ITIH1: variants seen among roughly 807,000 people sequenced by gnomAD.
The protein encoded by ITIH1 is inter-alpha-trypsin inhibitor heavy chain H1.
A neutral mutation model predicts 104.6 loss-of-function variants in ITIH1; 94 were observed. The observed-to-expected ratio is 0.90, with a 90% confidence interval of 0.76 to 1.07. The LOEUF is 1.07. ITIH1 is among the 50% of genes least tolerant of loss of function. The pLI, the probability that ITIH1 is intolerant of heterozygous loss-of-function variation, is 0.00. For synonymous variants in ITIH1, 455 were observed against 464.4 expected, an observed-to-expected ratio of 0.98 and a Z score of 0.26; for missense variants, 1,193 against 1,181.4, an observed-to-expected ratio of 1.01 and a Z score of -0.14.
At chr3:52,790,944 G>A in intron 20 of ITIH1, 23 bp downstream of exon 20, 2 of 1,585,120 alleles carry the variant, frequency 1.3e-6, no homozygotes, top group Non-Finnish European at 1.7e-6. Context: ...AGGCTGGCAG[G>A]GCTGTGGGGA....
Position 52,785,142 on chromosome 3 carries a change from G to A in ITIH1, c.1506G>A (p.Gln502=). The change falls in exon 12 of 22, where the codon CAG becomes CAA. Residue 502 remains glutamine (Q), a synonymous_variant. Transcript: ENST00000273283. ...VLALTQNHHK[Q]YYEGSEIVVA... is the part of the protein sequence containing the mutation. ...CCCTGACCCAGAACCACCATAAACAGTACTACGAAGGCTCAGAGATTGTGG... is the reference window on the plus strand; with the variant it reads ...CCCTGACCCAGAACCACCATAAACAATACTACGAAGGCTCAGAGATTGTGG... 6.2e-7 allele frequency: 1 copy of A among 1,614,102 alleles called. No individual in the cohort carries two copies. Among genetic ancestry groups the A allele is most frequent in the Non-Finnish European group, 8.5e-7 (1 of 1,180,006 alleles).
chr3:52,787,820 T>A, intron 16 of ITIH1, 166 bp from the exon 17 acceptor site: 1 of 907,026 alleles, frequency 1.1e-6, no homozygotes, highest in Non-Finnish European at 1.8e-6. Context: ...CAAGCTTCTG[T>A]CCCCGTGTCC....
At chr3:52,778,062 T>C in intron 2 of ITIH1, 45 bp downstream of exon 2, 6 of 1,610,112 alleles carry the variant, frequency 3.7e-6, no homozygotes, top group Non-Finnish European at 5.1e-6. Flanking sequence ...GAGCCCTTTT[T>C]ACAGGCTTGC....
rs1292335365 is a variant in ITIH1, at chr3:52,782,227, T to C, written c.890T>C (p.Ile297Thr). 1.9e-6 allele frequency: 3 copies of C among 1,614,174 alleles called. No individual in the cohort carries two copies. The highest frequency in any genetic ancestry group is 1.7e-5 in the Admixed American group (1 of 60,036). ...TNMNKNVVFV[I>T]DISGSMRGQK... Reference sequence around the variant, plus strand: ...ATGAACAAGAACGTGGTTTTTGTGATTGACATCAGTGGCTCCATGAGAGGC... The same window carrying C: ...ATGAACAAGAACGTGGTTTTTGTGACTGACATCAGTGGCTCCATGAGAGGC... The change falls in exon 8 of 22, where the codon ATT (isoleucine) becomes ACT (threonine). Residue 297 changes from isoleucine (I) to threonine (T), a missense_variant. Ile to Thr is a moderately conservative substitution (Grantham distance 89). Transcript: ENST00000273283.
In ITIH1 at chr3:52,789,933, C is replaced by T. The variant is rs7644379; in HGVS notation, c.2321+79C>T. On this transcript the variant is annotated intron_variant, in intron 19 of 21. Transcript: ENST00000273283. ...GACTCTGCTGAGTCTGCAGGGCCCT[C>T]GTCCCTGAGCCATGTCTGTGGGTGA... is the stretch of plus-strand genomic sequence containing the variant. 3.3e-3 allele frequency: 4,687 copies of T among 1,410,806 alleles called. 152 individuals are homozygous for T. The African/African-American group carries it at 0.057, about 17-fold the overall frequency. 87.4% of individuals were successfully genotyped at this position (1,410,806 alleles called of 1,614,324 possible).
rs1485327931 is a variant in ITIH1, at chr3:52,790,750, G to T, written c.2323G>T (p.Val775Leu). The T allele has an allele frequency of 6.2e-7, 1 of 1,612,056 alleles. No homozygotes were observed. Among genetic ancestry groups the T allele is most frequent in the East Asian group, 2.2e-5 (1 of 44,678 alleles). ...CCTCTCGGCCACCTGGCTCTGCAGGGTGGTGGTGACCATCAACAAGAAGAG... is the reference window on the plus strand; with the variant it reads ...CCTCTCGGCCACCTGGCTCTGCAGGTTGGTGGTGACCATCAACAAGAAGAG... The part of the protein sequence containing the change: ...RDQAVLRQDG[V>L]VVTINKKRNL... Residue 775 changes from valine (V) to leucine (L), a missense_variant and splice_region_variant, in exon 20 of 22, where the codon GTG (valine) becomes TTG (leucine). By Grantham distance (32) the Val-to-Leu change is conservative. Transcript: ENST00000273283.
At chr3:52,787,757 C>A (rs1699238889) in intron 16 of ITIH1, 145 bp downstream of exon 16, 3 of 1,013,076 alleles carry the variant, frequency 3.0e-6, no homozygotes, top group Non-Finnish European at 3.1e-6. Flanking sequence ...GCCTCCCCAG[C>A]CTGAGGTCCC....
chr3:52,788,468 TG>T (rs1445521453), intron 18 of ITIH1, 123 bp downstream of exon 18: 2 of 698,636 alleles, frequency 2.9e-6, no homozygotes, highest in Non-Finnish European at 4.9e-6. Flanking sequence ...TCCACCTGGC[TG>T]GGCTCTGCCC....
Position 52,787,074 on chromosome 3 carries a change from G to T in ITIH1, c.1863G>T (p.Lys621Asn), listed in dbSNP as rs1202525562. The T allele has an allele frequency of 6.2e-7, 1 of 1,614,086 alleles. No homozygotes were observed. Among genetic ancestry groups the T allele is most frequent in the South Asian group, 1.1e-5 (1 of 91,094 alleles). Residue 621 changes from lysine (K) to asparagine (N), a missense_variant, in exon 14 of 22, where the codon AAG (lysine) becomes AAT (asparagine). Physicochemically the swap from Lys to Asn is moderately conservative, Grantham distance 94. Transcript: ENST00000273283. ...IRGMADQDGL[K>N]PTIDKPSEDS... ...GCATGGCGGACCAGGACGGCCTGAAGCCCACCATCGACAAGCCCTCAGAGG... is the reference window on the plus strand; with the variant it reads ...GCATGGCGGACCAGGACGGCCTGAATCCCACCATCGACAAGCCCTCAGAGG...
At chr3:52,782,916 C>T (rs768129101) in intron 8 of ITIH1, 41 bp from the exon 9 acceptor site, 2 of 1,604,550 alleles carry the variant, frequency 1.2e-6, no homozygotes, top group Admixed American at 1.7e-5. Context: ...CTGGGGCCAC[C>T]CTGGGGCCCT....
chr3:52,789,924 C>G (rs1699308795), intron 19 of ITIH1, 70 bp downstream of exon 19: 1 of 1,492,652 alleles, frequency 6.7e-7, no homozygotes, highest in Non-Finnish European at 9.3e-7. Flanking sequence ...GCTGAGTCTG[C>G]AGGGCCCTCG....
At chr3:52,788,390 C>A (rs1260778949) in intron 18 of ITIH1, 45 bp downstream of exon 18, 1 of 1,226,222 alleles carries the variant, frequency 8.2e-7, no homozygotes, top group Non-Finnish European at 1.2e-6. Context: ...CAGGGCTCCT[C>A]TGCCCTCAAC....
rs1699167430 is a variant in ITIH1 at position 52,785,106 on chromosome 3, T to C, written c.1470T>C (p.Asp490=). The C allele has an allele frequency of 6.8e-6, 11 of 1,614,136 alleles. No individual in the cohort carries two copies. In the East Asian group the frequency reaches 2.2e-4, roughly 33 times the overall value. The part of the protein sequence containing the change: ...LVDVDLQYPQ[D]AVLALTQNHH... ...ATGTGGATTTGCAGTACCCCCAGGA[T>C]GCTGTCTTGGCCCTGACCCAGAACC... Residue 490 remains aspartate, a synonymous_variant, in exon 12 of 22, where the codon GAT becomes GAC. Transcript: ENST00000273283.
At chr3:52,778,826 C>T in intron 3 of ITIH1, 116 bp from the exon 4 acceptor site, 2 of 1,028,370 alleles carry the variant, frequency 1.9e-6, no homozygotes, top group Non-Finnish European at 2.9e-6. Flanking sequence ...CCACCATGGG[C>T]AGTGGAAGGC....
chr3:52,782,165 C>T lies in ITIH1; in HGVS notation c.828C>T (p.His276=), dbSNP rs559639580. The part of the protein sequence containing the change: ...KICDLLVANN[H]FAHFFAPQNL... ...CTCTATTTCAGGTGGCCAATAACCA[C>T]TTTGCCCACTTCTTTGCCCCCCAAA... The change falls in exon 8 of 22, where the codon CAC becomes CAT. Residue 276 remains histidine, a synonymous_variant. Transcript: ENST00000273283. 8 of 1,614,174 alleles carry T rather than the reference C, an allele frequency of 5.0e-6. No homozygotes were observed. The highest frequency in any genetic ancestry group is 6.8e-6 in the Non-Finnish European group (8 of 1,180,026).
intron 5 of ITIH1, 199 bp from the exon 6 acceptor site, chr3:52,780,070 A>T (rs1578728973): frequency 9.5e-7 from 1 of 1,050,152 alleles, no homozygotes; most frequent in East Asian, 2.6e-5. Context: ...GCCAGGACAC[A>T]TGCTGGCTCT....
chr3:52,778,040 G>C, intron 2 of ITIH1, 23 bp downstream of exon 2: 2 of 1,613,980 alleles, frequency 1.2e-6, no homozygotes, highest in South Asian at 2.2e-5. Context: ...CCTGGCAAAG[G>C]GGTCTGTGAC....
intron 10 of ITIH1, among the ~76,000 whole-genome samples, chr3:52,783,566 A>T (rs1440878936): frequency 2.6e-5 from 4 of 152,294 alleles, no homozygotes; most frequent in Admixed American, 1.3e-4. Flanking sequence ...TCTAAATGAC[A>T]CAGGTCTGTA....
intron 6 of ITIH1, among the ~76,000 whole-genome samples, chr3:52,780,668 C>G (rs1265044395): frequency 6.6e-5 from 10 of 152,350 alleles, no homozygotes; most frequent in South Asian, 2.1e-4. Context: ...TTGCTTGAGC[C>G]TCAGTGCCCT....
Sources: gnomAD v4.1 joint callset for allele counts (sites outside exome capture counted in the v4.1 genomes callset) on GRCh38, gnomAD v4.1.1 for gene constraint, MANE v1.5 for transcripts, NCBI Gene and HGNC (gene_info 2026-07-23, HGNC 2026-07-21) for gene names.